Variants in GSK3B observed in about 807,000 individuals in gnomAD.
The protein encoded by GSK3B is glycogen synthase kinase 3 beta, also known as glycogen synthase kinase-3 beta.
GSK3B carries 15 observed loss-of-function variants against 56.4 expected under a neutral mutation model. The observed-to-expected ratio is 0.27, with a 90% CI of 0.18 to 0.41. GSK3B has a LOEUF of 0.41. Among genes scored for constraint, GSK3B ranks in the 10% least tolerant of loss-of-function variants. The pLI is 1.00. For synonymous variants in GSK3B, 181 were observed against 188.9 expected, an observed-to-expected ratio of 0.96 and a Z score of 0.34; for missense variants, 300 against 513.4, an observed-to-expected ratio of 0.58 and a Z score of 4.02.
chr3:120,087,133 T>C (rs939941864), intron 1 of GSK3B, among the ~76,000 whole-genome samples: 1 of 152,258 alleles, frequency 6.6e-6, no homozygotes, highest in African/African-American at 2.4e-5. Context: ...GGAGCACTTC[T>C]GGTTTACTGT....
At chr3:119,917,491 T>C (rs1177914702) in intron 4 of GSK3B, among the ~76,000 whole-genome samples, 1 of 152,108 alleles carries the variant, frequency 6.6e-6, no homozygotes, top group African/African-American at 2.4e-5. Flanking sequence ...ATTCACAGAA[T>C]CCATTTCTAA....
At chr3:119,914,974 T>C (rs1236691542) in intron 5 of GSK3B, among the ~76,000 whole-genome samples, 1 of 152,044 alleles carries the variant, frequency 6.6e-6, no homozygotes, top group Non-Finnish European at 1.5e-5. Context: ...ATCCAAATTA[T>C]GTAAAGATGT....
At chr3:120,085,740 C>A (rs1270650304) in intron 1 of GSK3B, among the ~76,000 whole-genome samples, 2 of 151,622 alleles carry the variant, frequency 1.3e-5, no homozygotes, top group Non-Finnish European at 2.9e-5. Context: ...CTCGAGGTGG[C>A]GGTTGCAGTG....
chr3:120,085,671 A>T (rs922359597), intron 1 of GSK3B, among the ~76,000 whole-genome samples: 1 of 152,200 alleles, frequency 6.6e-6, no homozygotes, highest in African/African-American at 2.4e-5. Flanking sequence ...GAATGGTGGC[A>T]TATGCCTGTA....
chr3:120,001,145 A>C (rs963029433), intron 2 of GSK3B, among the ~76,000 whole-genome samples: 1 of 67,026 alleles, frequency 1.5e-5, no homozygotes, highest in Non-Finnish European at 2.8e-5. Flanking sequence ...GTATTGGATC[A>C]AGGGGGTCAA....
In GSK3B at chr3:119,906,797, C is replaced by T. The variant is rs552536582; in HGVS notation, c.716-945G>A. Among the ~76,000 whole-genome samples the T allele has an allele frequency of 5.3e-5, 8 of 151,956 alleles. No individual in the cohort carries two copies. The East Asian group carries it at 5.8e-4, about 11-fold the overall frequency. ...TGCTGGACTTTACCACCTACCAGTA[C>T]GGAAGGAGAAGAAGGAACAGTAAAT... On this transcript the variant is annotated intron_variant, in intron 6 of 10. Coordinates refer to ENST00000264235, the MANE Select transcript of GSK3B (RefSeq NM_001146156.2).
intron 1 of GSK3B, among the ~76,000 whole-genome samples, chr3:120,024,260 C>T (rs1054163573): frequency 2.6e-5 from 4 of 152,048 alleles, no homozygotes; most frequent in African/African-American, 9.7e-5. Context: ...TGCTTGAGCC[C>T]AGGAGGTCAA....
At chr3:120,080,010 T>G (rs1452785009) in intron 1 of GSK3B, among the ~76,000 whole-genome samples, 3 of 152,150 alleles carry the variant, frequency 2.0e-5, no homozygotes, top group Non-Finnish European at 2.9e-5. Flanking sequence ...GAATTTGTAT[T>G]ATGGCCAGGT....
At position 119,923,492 on chromosome 3, in the gene GSK3B, G is replaced by A; in HGVS notation, c.367-9C>T. 1 of 1,432,938 alleles carries A rather than the reference G, an allele frequency of 7.0e-7. No individual in the cohort carries two copies. Among genetic ancestry groups the A allele is most frequent in the Non-Finnish European group, 9.6e-7 (1 of 1,038,972 alleles). 88.8% of individuals were successfully genotyped at this position (1,432,938 alleles called of 1,614,324 possible). A position where few individuals can be genotyped will look rare whatever the true frequency, so the allele number is the denominator to read the frequency against. On this transcript the variant is annotated splice_polypyrimidine_tract_variant and intron_variant, in intron 3 of 10. Coordinates refer to ENST00000264235, the MANE Select transcript of GSK3B (RefSeq NM_001146156.2). ...AGATAGACCTCATCTTTCTGAAAGA[G>A]TTTATTTAAAAAAACAAAAAACAAA...
intron 5 of GSK3B, among the ~76,000 whole-genome samples, chr3:119,913,907 TTATGACATTTAGTTTTCAGCATAA>T (rs2056758337): frequency 6.6e-6 from 1 of 152,074 alleles, no homozygotes; most frequent in South Asian, 2.1e-4. Context: ...TGCATGAAAA[TTATGACATTTAGTTTTCAGCATAA>T]TTGATAGGAG....
intron 9 of GSK3B, among the ~76,000 whole-genome samples, chr3:119,857,074 C>T (rs1490685581): frequency 1.3e-5 from 2 of 152,134 alleles, no homozygotes; most frequent in East Asian, 3.8e-4. Context: ...TTTAAAAATA[C>T]TTTATCACTA....
intron 8 of GSK3B, among the ~76,000 whole-genome samples, chr3:119,873,433 T>C (rs574212788): frequency 2.6e-5 from 4 of 151,886 alleles, no homozygotes; most frequent in African/African-American, 7.3e-5. Context: ...CTTCAGGAGA[T>C]AGGACTAACA....
chr3:120,080,851 TAC>T (rs1248635915), intron 1 of GSK3B, among the ~76,000 whole-genome samples: 1 of 151,686 alleles, frequency 6.6e-6, no homozygotes, highest in Non-Finnish European at 1.5e-5. Context: ...GAAAAAAAAT[TAC>T]AGTTTCACAA....
chr3:120,027,376 C>T (rs1421264013), intron 1 of GSK3B, among the ~76,000 whole-genome samples: 1 of 139,654 alleles, frequency 7.2e-6, no homozygotes, highest in South Asian at 2.2e-4. Context: ...GACTCTGTCT[C>T]AGGAAAAAAA....
At chr3:120,046,186 G>A (rs192173982) in intron 1 of GSK3B, among the ~76,000 whole-genome samples, 3 of 152,116 alleles carry the variant, frequency 2.0e-5, no homozygotes, top group Admixed American at 2.0e-4. Context: ...CTGTAATCGT[G>A]GATACATGAC....
At chr3:119,906,265 C>T (rs999562980) in intron 6 of GSK3B, among the ~76,000 whole-genome samples, 1 of 152,062 alleles carries the variant, frequency 6.6e-6, no homozygotes, top group Non-Finnish European at 1.5e-5. Flanking sequence ...CTCTCCCAGA[C>T]ACTGGGCTTT....
At chr3:119,849,518 G>A (rs1445772769) in intron 9 of GSK3B, among the ~76,000 whole-genome samples, 1 of 152,154 alleles carries the variant, frequency 6.6e-6, no homozygotes, top group Admixed American at 6.5e-5. Context: ...GAGTATCAGT[G>A]GTCTGTGGTC....
At chr3:119,933,681 A>C (rs907822645) in intron 3 of GSK3B, among the ~76,000 whole-genome samples, 12 of 152,098 alleles carry the variant, frequency 7.9e-5, no homozygotes, top group African/African-American at 2.2e-4. Flanking sequence ...GTTCGAGCCA[A>C]GCCTGGCCAA....
intron 3 of GSK3B, among the ~76,000 whole-genome samples, chr3:119,942,819 C>G (rs1328528783): frequency 6.6e-6 from 1 of 152,146 alleles, no homozygotes; most frequent in Non-Finnish European, 1.5e-5. Context: ...ACTCACAAAA[C>G]TATAAGCCCA....
Sources: gnomAD v4.1 joint callset for allele counts (sites outside exome capture counted in the v4.1 genomes callset) on GRCh38, gnomAD v4.1.1 for gene constraint, MANE v1.5 for transcripts, NCBI Gene and HGNC (gene_info 2026-07-23, HGNC 2026-07-21) for gene names.